The following KCNS3 variants were observed in gnomAD, a reference collection of about 807,000 sequenced individuals.
KCNS3 encodes the protein delayed-rectifier potassium channel regulatory subunit KCNS3.
Under a neutral mutation model 31.0 loss-of-function variants are expected in KCNS3, and 13 were observed. The ratio of observed to expected loss-of-function variants is 0.42; its 90% confidence interval spans 0.27 to 0.67. The LOEUF (loss-of-function observed/expected upper bound fraction) is 0.67, where lower values mean the gene tolerates loss of function less well. KCNS3 is among the 30% of genes least tolerant of loss of function. The pLI, the probability that KCNS3 is intolerant of heterozygous loss-of-function variation, is 0.25. For missense variants in KCNS3, 545 were observed against 622.4 expected (o/e 0.88, Z 1.32); for synonymous variants, 238 against 241.5 (o/e 0.99, Z 0.13).
chr2:17,889,506 C>T (rs532768693), intron 1 of KCNS3, among the ~76,000 whole-genome samples: 63 of 152,178 alleles, frequency 4.1e-4, no homozygotes, highest in Non-Finnish European at 6.8e-4. Context: ...GTCTTGTTCC[C>T]GTTCTCAGAG....
At chr2:17,929,011 G>A (rs73918989) in intron 2 of KCNS3, among the ~76,000 whole-genome samples, 121 of 152,260 alleles carry the variant, frequency 7.9e-4, no homozygotes, top group African/African-American at 2.8e-3. Flanking sequence ...CTTTTGCCCC[G>A]TGCAGCTTTC....
intron 2 of KCNS3, among the ~76,000 whole-genome samples, chr2:17,928,218 C>G (rs1465981206): frequency 6.6e-6 from 1 of 152,100 alleles, no homozygotes; most frequent in East Asian, 1.9e-4. Flanking sequence ...ATTGTTCTTT[C>G]ATTGCTGATT....
intron 1 of KCNS3, among the ~76,000 whole-genome samples, chr2:17,897,888 TA>T (rs2125238220): frequency 6.6e-6 from 1 of 152,342 alleles, no homozygotes; most frequent in East Asian, 1.9e-4. Flanking sequence ...AAATGACTTC[TA>T]GAAAGAAAAC....
At chr2:17,913,717 G>A (rs1250194112) in intron 1 of KCNS3, among the ~76,000 whole-genome samples, 2 of 152,174 alleles carry the variant, frequency 1.3e-5, no homozygotes, top group Admixed American at 6.5e-5. Flanking sequence ...CCAAACAGGT[G>A]CCTGAGGTTC....
intron 1 of KCNS3, among the ~76,000 whole-genome samples, chr2:17,900,287 A>C (rs1294393088): frequency 6.6e-6 from 1 of 152,114 alleles, no homozygotes; most frequent in Non-Finnish European, 1.5e-5. Context: ...CATTTCAGCA[A>C]GTTAAGTACT....
chr2:17,890,919 C>G (rs980221391), intron 1 of KCNS3, among the ~76,000 whole-genome samples: 1 of 152,134 alleles, frequency 6.6e-6, no homozygotes, highest in Admixed American at 6.6e-5. Context: ...ATGAAATGTT[C>G]TGTATATATC....
chr2:17,898,753 G>A (rs1197496017), intron 1 of KCNS3, among the ~76,000 whole-genome samples: 1 of 152,210 alleles, frequency 6.6e-6, no homozygotes, highest in Non-Finnish European at 1.5e-5. Flanking sequence ...AAGGGGCAGA[G>A]GAAACTAAAT....
intron 1 of KCNS3, among the ~76,000 whole-genome samples, chr2:17,880,172 G>A (rs1308701439): frequency 6.6e-6 from 1 of 152,220 alleles, no homozygotes; most frequent in East Asian, 1.9e-4. Flanking sequence ...TTAGCTGAAG[G>A]CATATGCCCT....
intron 1 of KCNS3, among the ~76,000 whole-genome samples, chr2:17,916,810 C>T (rs1379373094): frequency 1.4e-5 from 2 of 147,404 alleles, no homozygotes; most frequent in Non-Finnish European, 1.5e-5. Context: ...TGTTTAATCA[C>T]TGGCCTAGCC....
chr2:17,897,367 G>T (rs58779371), intron 1 of KCNS3, among the ~76,000 whole-genome samples: 4,624 of 152,204 alleles, frequency 0.03, 133 homozygotes, highest in African/African-American at 0.079. Context: ...AAATGCATGC[G>T]TCTTTTTGGT....
chr2:17,921,793 C>T (rs186981815), intron 2 of KCNS3, among the ~76,000 whole-genome samples: 11 of 151,442 alleles, frequency 7.3e-5, no homozygotes, highest in African/African-American at 2.7e-4. Context: ...AATCACCTCC[C>T]ACCAGGCCCC....
chr2:17,887,175 G>C (rs1661684172), intron 1 of KCNS3, among the ~76,000 whole-genome samples: 1 of 151,210 alleles, frequency 6.6e-6, no homozygotes, highest in African/African-American at 2.5e-5. Flanking sequence ...ACATGAGTAA[G>C]TTCTTTAGTG....
intron 1 of KCNS3, among the ~76,000 whole-genome samples, chr2:17,909,213 T>G (rs1662413573): frequency 6.6e-6 from 1 of 152,184 alleles, no homozygotes; most frequent in African/African-American, 2.4e-5. Context: ...CAGACTGCTG[T>G]GCTAGCAATG....
upstream of KCNS3, among the ~76,000 whole-genome samples, chr2:17,878,294 T>A (rs1674552359): frequency 6.6e-6 from 1 of 152,122 alleles, no homozygotes; most frequent in South Asian, 2.1e-4. Flanking sequence ...GTCATCTTTT[T>A]CCCGCAGGGC....
intron 2 of KCNS3, among the ~76,000 whole-genome samples, chr2:17,929,984 T>C (rs958235517): frequency 4.6e-5 from 7 of 152,184 alleles, no homozygotes; most frequent in African/African-American, 1.7e-4. Context: ...TCCTTTTATT[T>C]GTATCATCTG....
intron 1 of KCNS3, among the ~76,000 whole-genome samples, chr2:17,887,531 CTCTG>C (rs1248441998): frequency 6.6e-6 from 1 of 151,424 alleles, no homozygotes; most frequent in Non-Finnish European, 1.5e-5. Context: ...ATCTATCTAT[CTCTG>C]TATCTATATA....
intron 1 of KCNS3, among the ~76,000 whole-genome samples, chr2:17,907,218 C>T (rs879479686): frequency 3.3e-5 from 5 of 152,132 alleles, no homozygotes; most frequent in Non-Finnish European, 7.3e-5. Flanking sequence ...ATGTAATGGC[C>T]TTCTTTGTCT....
At chr2:17,909,330 G>C (rs760044771) in intron 1 of KCNS3, among the ~76,000 whole-genome samples, 1 of 152,160 alleles carries the variant, frequency 6.6e-6, no homozygotes, top group Non-Finnish European at 1.5e-5. Context: ...GGGTGGGAGT[G>C]ACCTGATTTT....
intron 1 of KCNS3, among the ~76,000 whole-genome samples, chr2:17,909,052 A>C (rs528185176): frequency 6.6e-6 from 1 of 152,334 alleles, no homozygotes; most frequent in Admixed American, 6.5e-5. Flanking sequence ...TGCCCGCCCC[A>C]GAGGTGGAGT....
Sources: gnomAD v4.1 joint callset for allele counts (sites outside exome capture counted in the v4.1 genomes callset) on GRCh38, gnomAD v4.1.1 for gene constraint, MANE v1.5 for transcripts, NCBI Gene and HGNC (gene_info 2026-07-23, HGNC 2026-07-21) for gene names.